The following SLC4A10 variants were observed in gnomAD, a reference collection of about 807,000 sequenced individuals.
The protein encoded by SLC4A10 is sodium-driven chloride bicarbonate exchanger.
Under a neutral mutation model 137.7 loss-of-function variants are expected in SLC4A10, and 42 were observed. That is an observed-to-expected ratio of 0.30 (90% CI 0.24 to 0.39). The LOEUF (loss-of-function observed/expected upper bound fraction) is 0.39, where lower values mean the gene tolerates loss of function less well. SLC4A10 is among the 10% of genes least tolerant of loss of function. The pLI is 1.00. For missense variants in SLC4A10, 925 were observed against 1,355.0 expected (o/e 0.68, Z 4.98); for synonymous variants, 474 against 464.1 (o/e 1.02, Z -0.27).
chr2:161,739,457 A>G (rs2047661969), intron 1 of SLC4A10, among the ~76,000 whole-genome samples: 3 of 152,140 alleles, frequency 2.0e-5, no homozygotes, highest in Non-Finnish European at 4.4e-5. Flanking sequence ...TGGGCTGTAC[A>G]GTGTGTTCCT....
In SLC4A10 at chr2:161,757,838, A is replaced by G. The variant is rs539312496; in HGVS notation, c.49-13135A>G. Among the ~76,000 whole-genome samples, 10 of 152,290 alleles carry G rather than the reference A, an allele frequency of 6.6e-5. 1 individual carries two copies. In the South Asian group the frequency reaches 2.1e-3, roughly 32 times the overall value. On this transcript the variant is annotated intron_variant, in intron 1 of 26. Coordinates refer to ENST00000446997, the MANE Select transcript of SLC4A10 (RefSeq NM_001178015.2). ...ATCAGGTTAATTACATATATTTTCA[A>G]TAAATGAAGTTCTTCTAAATAGAAA... is the stretch of plus-strand genomic sequence containing the variant.
intron 10 of SLC4A10, among the ~76,000 whole-genome samples, chr2:161,883,519 C>T (rs1226735802): frequency 2.0e-5 from 3 of 152,144 alleles, no homozygotes; most frequent in Non-Finnish European, 2.9e-5. Context: ...AAGGAACCAA[C>T]TTAATGAGTG....
intron 1 of SLC4A10, among the ~76,000 whole-genome samples, chr2:161,704,549 T>G (rs1412794992): frequency 1.3e-5 from 2 of 151,594 alleles, no homozygotes; most frequent in African/African-American, 4.8e-5. Context: ...TGAAAAACAA[T>G]GAAGTCTGTA....
At chr2:161,825,547 G>A (rs1314081791) in intron 3 of SLC4A10, among the ~76,000 whole-genome samples, 1 of 152,046 alleles carries the variant, frequency 6.6e-6, no homozygotes, top group African/African-American at 2.4e-5. Context: ...TCAGTGCTCT[G>A]TGGCAGCCCA....
chr2:161,903,879 A>T, intron 12 of SLC4A10, 125 bp from the exon 13 acceptor site: 1 of 892,800 alleles, frequency 1.1e-6, no homozygotes, highest in Non-Finnish European at 1.7e-6. Flanking sequence ...GCAGCAGGTT[A>T]ATGTGTGTCT....
chr2:161,870,276 C>T (rs2061034835), intron 6 of SLC4A10, among the ~76,000 whole-genome samples: 1 of 151,364 alleles, frequency 6.6e-6, no homozygotes, highest in Non-Finnish European at 1.5e-5. Context: ...CAAATGAAAA[C>T]ATAAGGTATT....
chr2:161,939,251 G>GT (rs1272289367), intron 15 of SLC4A10, among the ~76,000 whole-genome samples: 4 of 151,560 alleles, frequency 2.6e-5, no homozygotes, highest in Non-Finnish European at 5.9e-5. Flanking sequence ...TAATTTTTGT[G>GT]TTTTTAGTAG....
At chr2:161,737,645 A>G (rs1185726199) in intron 1 of SLC4A10, among the ~76,000 whole-genome samples, 3 of 152,198 alleles carry the variant, frequency 2.0e-5, no homozygotes, top group Non-Finnish European at 4.4e-5. Flanking sequence ...TTACAAGTAC[A>G]GTGTTCATTT....
intron 1 of SLC4A10, among the ~76,000 whole-genome samples, chr2:161,647,856 G>A (rs999242124): frequency 1.3e-5 from 2 of 152,144 alleles, no homozygotes; most frequent in Non-Finnish European, 2.9e-5. Context: ...TGGATTAGAG[G>A]AGAAGGTCCA....
chr2:161,811,039 A>G (rs1355154739), intron 3 of SLC4A10, among the ~76,000 whole-genome samples: 1 of 151,922 alleles, frequency 6.6e-6, no homozygotes, highest in African/African-American at 2.4e-5. Flanking sequence ...TACCGATTCA[A>G]TTTCAGAACT....
At chr2:161,910,833 G>A (rs993413812) in intron 15 of SLC4A10, among the ~76,000 whole-genome samples, 1 of 151,914 alleles carries the variant, frequency 6.6e-6, no homozygotes, top group Admixed American at 6.6e-5. Context: ...ATGCAGAAGA[G>A]TATCCTCTCT....
At chr2:161,722,686 G>A (rs1485958872) in intron 1 of SLC4A10, among the ~76,000 whole-genome samples, 2 of 152,152 alleles carry the variant, frequency 1.3e-5, no homozygotes, top group African/African-American at 4.8e-5. Context: ...AAGCACTCTG[G>A]CTACCCCTTG....
chr2:161,978,187 C>A (rs1446280787), intron 26 of SLC4A10, among the ~76,000 whole-genome samples: 3 of 151,868 alleles, frequency 2.0e-5, no homozygotes, highest in African/African-American at 7.3e-5. Context: ...GAGTTCGAGA[C>A]AAGCTTCGTC....
chr2:161,721,768 C>T (rs1208031700), intron 1 of SLC4A10, among the ~76,000 whole-genome samples: 2 of 152,176 alleles, frequency 1.3e-5, no homozygotes, highest in Non-Finnish European at 2.9e-5. Flanking sequence ...CGGATGATAT[C>T]CTGAAGTATG....
At chr2:161,945,194 A>G (rs1484910172) in intron 16 of SLC4A10, among the ~76,000 whole-genome samples, 1,020 of 43,076 alleles carry the variant, frequency 0.024, 52 homozygotes, top group African/African-American at 0.055. Context: ...ATATATATAT[A>G]TATATATATA....
chr2:161,744,699 A>G (rs2048234185), intron 1 of SLC4A10, among the ~76,000 whole-genome samples: 1 of 152,172 alleles, frequency 6.6e-6, no homozygotes, highest in South Asian at 2.1e-4. Flanking sequence ...CAAACAAAAA[A>G]AGGAAAAGCA....
intron 1 of SLC4A10, among the ~76,000 whole-genome samples, chr2:161,734,705 A>C (rs1232951091): frequency 6.6e-6 from 1 of 152,176 alleles, no homozygotes; most frequent in East Asian, 1.9e-4. Flanking sequence ...TTCGTTTACC[A>C]AAAACATATC....
chr2:161,841,071 T>A (rs753306715), intron 4 of SLC4A10, among the ~76,000 whole-genome samples: 1 of 151,840 alleles, frequency 6.6e-6, no homozygotes, highest in African/African-American at 2.4e-5. Flanking sequence ...GTTTAGTGTT[T>A]ATTTATTTAT....
chr2:161,798,127 A>C (rs2054981413), intron 2 of SLC4A10, among the ~76,000 whole-genome samples: 1 of 151,966 alleles, frequency 6.6e-6, no homozygotes, highest in African/African-American at 2.4e-5. Context: ...CCTTAGCAGA[A>C]ATTTTCCATT....
Sources: gnomAD v4.1 joint callset for allele counts (sites outside exome capture counted in the v4.1 genomes callset) on GRCh38, gnomAD v4.1.1 for gene constraint, MANE v1.5 for transcripts, NCBI Gene and HGNC (gene_info 2026-07-23, HGNC 2026-07-21) for gene names.